SLC16A10: variants seen among roughly 807,000 people sequenced by gnomAD.
SLC16A10 encodes solute carrier family 16 member 10, also known as monocarboxylate transporter 10.
Under a neutral mutation model 40.0 loss-of-function variants are expected in SLC16A10, and 27 were observed. The ratio of observed to expected loss-of-function variants is 0.67; its 90% CI spans 0.50 to 0.93. The LOEUF is 0.93. Among genes scored for constraint, SLC16A10 ranks in the 40% least tolerant of loss-of-function variants. SLC16A10 has a pLI of 0.00. For synonymous variants in SLC16A10, 213 were observed against 249.8 expected (o/e 0.85, Z 1.39); for missense variants, 529 against 658.2 (o/e 0.80, Z 2.15).
intron 1 of SLC16A10, among the ~76,000 whole-genome samples, chr6:111,129,713 C>T (rs1771746839): frequency 6.6e-6 from 1 of 152,188 alleles, no homozygotes; most frequent in South Asian, 2.1e-4. Context: ...TTACTGACAG[C>T]TCCCCATATC....
chr6:111,156,058 A>C (rs1257812414), intron 1 of SLC16A10, among the ~76,000 whole-genome samples: 4 of 152,228 alleles, frequency 2.6e-5, no homozygotes, highest in Non-Finnish European at 5.9e-5. Flanking sequence ...TCAAAGGGTC[A>C]CAGGAGCCAT....
chr6:111,150,003 C>T (rs62421926), intron 1 of SLC16A10, among the ~76,000 whole-genome samples: 17,441 of 152,206 alleles, frequency 0.11, 1,089 homozygotes, highest in Non-Finnish European at 0.15. Context: ...GTAGATACCT[C>T]ATAGAATTGC....
intron 3 of SLC16A10, among the ~76,000 whole-genome samples, chr6:111,194,761 A>T (rs1057204262): frequency 1.3e-5 from 2 of 152,042 alleles, no homozygotes; most frequent in Non-Finnish European, 2.9e-5. Flanking sequence ...TCTCTCAGGG[A>T]CTTTTCAGTT....
chr6:111,155,636 T>G (rs1419931781), intron 1 of SLC16A10, among the ~76,000 whole-genome samples: 1 of 152,178 alleles, frequency 6.6e-6, no homozygotes, highest in Admixed American at 6.5e-5. Context: ...AAAGAAAGAT[T>G]ATAGACAAGC....
intron 1 of SLC16A10, among the ~76,000 whole-genome samples, chr6:111,118,457 G>A (rs972749455): frequency 5.9e-5 from 9 of 152,070 alleles, no homozygotes; most frequent in African/African-American, 4.8e-5. Context: ...CGAGGCGGGC[G>A]GATCACGAGG....
chr6:111,117,582 T>C (rs895709180), intron 1 of SLC16A10, among the ~76,000 whole-genome samples: 1 of 152,152 alleles, frequency 6.6e-6, no homozygotes, highest in Non-Finnish European at 1.5e-5. Context: ...GAATAGAAAT[T>C]GAACCCTTTG....
intron 1 of SLC16A10, among the ~76,000 whole-genome samples, chr6:111,138,977 C>CAT (rs1049605200): frequency 1.3e-5 from 2 of 152,092 alleles, no homozygotes; most frequent in African/African-American, 4.8e-5. Flanking sequence ...ATACTTTACA[C>CAT]AAAGTCTAGA....
intron 4 of SLC16A10, among the ~76,000 whole-genome samples, chr6:111,215,135 TA>T (rs922843932): frequency 4.6e-5 from 7 of 151,096 alleles, no homozygotes; most frequent in East Asian, 1.9e-4. Context: ...ATAAAAAAAA[TA>T]AAAAAAAGAA....
chr6:111,196,476 C>A (rs1284622353), intron 3 of SLC16A10, among the ~76,000 whole-genome samples: 1 of 152,172 alleles, frequency 6.6e-6, no homozygotes, highest in Non-Finnish European at 1.5e-5. Context: ...AGCGAGACCC[C>A]ATCTCAAAAC....
At chr6:111,163,776 AC>A (rs1772420098) in intron 1 of SLC16A10, among the ~76,000 whole-genome samples, 1 of 152,200 alleles carries the variant, frequency 6.6e-6, no homozygotes. Context: ...ATTCCAGATT[AC>A]CATAAGTCAT....
At chr6:111,200,864 A>G (rs1773156489) in intron 3 of SLC16A10, among the ~76,000 whole-genome samples, 1 of 152,166 alleles carries the variant, frequency 6.6e-6, no homozygotes. Flanking sequence ...ATTTTCTTAG[A>G]ATTACTCCAA....
chr6:111,210,104 G>A (rs1167412352), intron 4 of SLC16A10, among the ~76,000 whole-genome samples: 1 of 152,192 alleles, frequency 6.6e-6, no homozygotes, highest in Non-Finnish European at 1.5e-5. Context: ...TTGACTTGAA[G>A]TAATAACAGT....
chr6:111,209,677 A>G (rs1773315051), intron 4 of SLC16A10, among the ~76,000 whole-genome samples: 1 of 152,120 alleles, frequency 6.6e-6, no homozygotes, highest in Non-Finnish European at 1.5e-5. Context: ...GTGGAGGACT[A>G]AGGAGATGGA....
chr6:111,213,413 A>G (rs543312355), intron 4 of SLC16A10, among the ~76,000 whole-genome samples: 24 of 152,340 alleles, frequency 1.6e-4, no homozygotes, highest in African/African-American at 5.5e-4. Context: ...ATGTAGAAAT[A>G]TTAATGACTT....
In SLC16A10 at chr6:111,228,136, A is replaced by G. The variant is rs933586896; in HGVS notation, c.*5901A>G. Reference sequence around the variant, plus strand: ...ATTAGACACACTCAGATTCTAATGAACACTTAGAATGCTTCGCCAGTGGCT... The same window carrying G: ...ATTAGACACACTCAGATTCTAATGAGCACTTAGAATGCTTCGCCAGTGGCT... On this transcript the variant is annotated 3_prime_UTR_variant, in exon 6 of 6. Coordinates refer to ENST00000368851, the MANE Select transcript of SLC16A10 (RefSeq NM_018593.5). The G allele has an allele frequency of 7.2e-5, 11 of 152,342 alleles. No homozygotes were observed. In the East Asian group the frequency reaches 1.3e-3, roughly 19 times the overall value. The allele number at this position is 152,342 out of a possible 1,614,324, so 9.4% of individuals were successfully genotyped here. A position where few individuals can be genotyped will look rare whatever the true frequency, so the allele number is the denominator to read the frequency against.
intron 2 of SLC16A10, among the ~76,000 whole-genome samples, chr6:111,173,222 A>C (rs892463189): frequency 2.0e-5 from 3 of 152,182 alleles, no homozygotes; most frequent in African/African-American, 7.2e-5. Context: ...GGTTACAATA[A>C]GTGGTGTTTT....
intron 3 of SLC16A10, chr6:111,178,459 G>A (rs764084665): frequency 1.9e-6 from 1 of 530,736 alleles, no homozygotes. Flanking sequence ...ACTGGGGTTG[G>A]TGCCTCACGC....
intron 1 of SLC16A10, among the ~76,000 whole-genome samples, chr6:111,123,547 AC>A (rs1370527713): frequency 2.6e-5 from 4 of 152,198 alleles, no homozygotes; most frequent in Non-Finnish European, 2.9e-5. Flanking sequence ...TCAGGGCAAG[AC>A]CTACTGGCTA....
intron 1 of SLC16A10, among the ~76,000 whole-genome samples, chr6:111,158,190 T>G (rs572313176): frequency 6.6e-6 from 1 of 152,290 alleles, no homozygotes; most frequent in Admixed American, 6.5e-5. Context: ...AAGTGAACTT[T>G]ATAATGAAAA....
Sources: gnomAD v4.1 joint callset for allele counts (sites outside exome capture counted in the v4.1 genomes callset) on GRCh38, gnomAD v4.1.1 for gene constraint, MANE v1.5 for transcripts, NCBI Gene and HGNC (gene_info 2026-07-23, HGNC 2026-07-21) for gene names.